Variants in RAD54B observed in about 807,000 individuals in gnomAD.
RAD54B encodes the protein DNA repair and recombination protein RAD54B.
RAD54B carries 78 observed loss-of-function variants against 95.8 expected under a neutral mutation model. The ratio of observed to expected loss-of-function variants is 0.81; its 90% CI spans 0.68 to 0.98. The LOEUF is 0.98. Among genes scored for constraint, RAD54B ranks in the 50% least tolerant of loss-of-function variants. The pLI, the probability that RAD54B is intolerant of heterozygous loss-of-function variation, is 0.00. For missense variants in RAD54B, 957 were observed against 1,056.6 expected (o/e 0.91, Z 1.31); for synonymous variants, 328 against 354.9 (o/e 0.92, Z 0.85).
intron 3 of RAD54B, 25 bp downstream of exon 3, chr8:94,458,243 C>T: frequency 1.3e-6 from 2 of 1,557,818 alleles, no homozygotes; most frequent in Non-Finnish European, 1.7e-6. Flanking sequence ...CAAGCATAAA[C>T]CTTATCAATA....
chr8:94,394,662 C>A (rs1356817620), intron 8 of RAD54B, among the ~76,000 whole-genome samples: 1 of 151,948 alleles, frequency 6.6e-6, no homozygotes, highest in Non-Finnish European at 1.5e-5. Flanking sequence ...TAGCTTTAGG[C>A]TAATTTTCAA....
chr8:94,403,633 C>G (rs899949264), intron 6 of RAD54B, among the ~76,000 whole-genome samples: 75 of 151,660 alleles, frequency 4.9e-4, no homozygotes, highest in African/African-American at 1.7e-3. Flanking sequence ...GCCAAGATAA[C>G]GCCATTGCAC....
intron 5 of RAD54B, 39 bp from the exon 6 acceptor site, chr8:94,404,278 T>C (rs1811332883): frequency 2.0e-6 from 3 of 1,491,706 alleles, no homozygotes; most frequent in Non-Finnish European, 2.7e-6. Context: ...GTAATTTCAC[T>C]TTTTCAGCAA....
rs907321084 is a variant in RAD54B, at chr8:94,414,151, T to C, written c.305-2836A>G. Among the ~76,000 whole-genome samples the C allele has an allele frequency of 3.3e-5, 5 of 152,140 alleles. No homozygotes were observed. The East Asian group carries it at 5.8e-4, about 18-fold the overall frequency. On this transcript the variant is annotated intron_variant, in intron 3 of 14. Coordinates refer to ENST00000336148, the MANE Select transcript of RAD54B (RefSeq NM_012415.3). ...GCACCCAGCCTAAGAATTCTTATAG[T>C]TTAAAAATAAGACAACATTGATTTT...
chr8:94,462,598 CA>C (rs1453095988), intron 2 of RAD54B, among the ~76,000 whole-genome samples: 2 of 152,070 alleles, frequency 1.3e-5, no homozygotes, highest in Non-Finnish European at 2.9e-5. Flanking sequence ...GTCACTAAAG[CA>C]ATACTTTCTC....
At chr8:94,426,623 A>C (rs892218577) in intron 3 of RAD54B, among the ~76,000 whole-genome samples, 5 of 152,256 alleles carry the variant, frequency 3.3e-5, no homozygotes, top group Non-Finnish European at 7.3e-5. Context: ...GTATGATTCC[A>C]ATTACATGAA....
chr8:94,376,782 A>T (rs2129943675), intron 14 of RAD54B, among the ~76,000 whole-genome samples: 1 of 149,258 alleles, frequency 6.7e-6, no homozygotes, highest in African/African-American at 2.4e-5. Flanking sequence ...ATATAATCAT[A>T]TATAATTTAT....
chr8:94,443,749 C>G (rs1021261048), intron 3 of RAD54B, among the ~76,000 whole-genome samples: 4 of 151,800 alleles, frequency 2.6e-5, no homozygotes, highest in African/African-American at 9.7e-5. Context: ...TTCCAGAAAC[C>G]CTCTTTTGGA....
chr8:94,387,135 C>A lies in RAD54B; in HGVS notation c.1834G>T (p.Asp612Tyr). ...TATAGACTCTTTTCTTCATTTTTAT[C>A]ACAAGTTGAGCTACATTCCTTTTCC... is the stretch of plus-strand genomic sequence containing the variant. ...IKEKECSSTC[D>Y]KNEEKSLYKG... Residue 612 changes from aspartate (D) to tyrosine (Y), a missense_variant, in exon 11 of 15, where the codon GAT becomes TAT. Asp to Tyr is a radical substitution (Grantham distance 160, BLOSUM62 -3). Coordinates refer to ENST00000336148, the MANE Select transcript of RAD54B (RefSeq NM_012415.3). 1 of 1,598,820 alleles carries A rather than the reference C, an allele frequency of 6.3e-7. No homozygotes were observed. The highest frequency in any genetic ancestry group is 1.4e-5 in the African/African-American group (1 of 74,052).
chr8:94,453,327 A>G (rs1812709457), intron 3 of RAD54B, among the ~76,000 whole-genome samples: 2 of 152,078 alleles, frequency 1.3e-5, no homozygotes, highest in Non-Finnish European at 2.9e-5. Flanking sequence ...TCAGGAGTTC[A>G]AAACCAGCCT....
intron 3 of RAD54B, among the ~76,000 whole-genome samples, chr8:94,419,369 G>A (rs1478604734): frequency 2.6e-5 from 4 of 152,006 alleles, no homozygotes; most frequent in Admixed American, 2.0e-4. Flanking sequence ...TTAGCCAGGC[G>A]TGGTGGCAGG....
At chr8:94,469,552 GATA>G (rs1813117246) in intron 1 of RAD54B, among the ~76,000 whole-genome samples, 1 of 152,150 alleles carries the variant, frequency 6.6e-6, no homozygotes, top group African/African-American at 2.4e-5. Flanking sequence ...TGTCAATTTT[GATA>G]ATACTATAAG....
intron 3 of RAD54B, among the ~76,000 whole-genome samples, chr8:94,437,390 T>C (rs1812294495): frequency 6.6e-6 from 1 of 152,190 alleles, no homozygotes. Flanking sequence ...CTCATCACTG[T>C]TTCTGAGCTG....
At position 94,380,169 on chromosome 8, in the gene RAD54B, A is replaced by G; in HGVS notation, c.2223T>C (p.Asp741=). Residue 741 remains aspartate (D), a synonymous_variant, in exon 12 of 15, where the codon GAT becomes GAC. Coordinates refer to ENST00000336148, the MANE Select transcript of RAD54B (RefSeq NM_012415.3). ...GGSHLILYDI[D]WNPATDIQAM... ...CCTGAATGTCAGTGGCTGGATTCCA[A>G]TCAATGTCATAGAGAATTAAGTGAG... The G allele has an allele frequency of 1.2e-6, 2 of 1,611,166 alleles. No homozygotes were observed. The highest frequency in any genetic ancestry group is 1.7e-6 in the Non-Finnish European group (2 of 1,178,308).
chr8:94,435,688 C>T (rs576313946), intron 3 of RAD54B, among the ~76,000 whole-genome samples: 2 of 152,048 alleles, frequency 1.3e-5, no homozygotes, highest in South Asian at 4.2e-4. Context: ...ACAAGTTTAA[C>T]CAAAAAATTG....
At chr8:94,431,408 A>G in intron 3 of RAD54B, 1 of 984,648 alleles carries the variant, frequency 1.0e-6, no homozygotes, top group Non-Finnish European at 1.2e-6. Context: ...TCACAACCTA[A>G]CAATCTTTAA....
chr8:94,441,949 A>G (rs1812407465), intron 3 of RAD54B, among the ~76,000 whole-genome samples: 1 of 152,262 alleles, frequency 6.6e-6, no homozygotes, highest in Non-Finnish European at 1.5e-5. Flanking sequence ...TTTGTGAAAC[A>G]AAATGTTTAC....
chr8:94,417,667 AAAGAAG>A (rs140151434), intron 3 of RAD54B, among the ~76,000 whole-genome samples: 2 of 152,000 alleles, frequency 1.3e-5, no homozygotes, highest in African/African-American at 2.4e-5. Context: ...CACCAAAATA[AAAGAAG>A]AAGAAGAAGA....
intron 3 of RAD54B, among the ~76,000 whole-genome samples, chr8:94,456,807 A>G (rs903247505): frequency 3.9e-5 from 6 of 152,186 alleles, no homozygotes; most frequent in African/African-American, 1.2e-4. Flanking sequence ...CTCTCCAACA[A>G]TCCACCATAG....
Sources: allele counts gnomAD v4.1 joint callset (sites outside exome capture counted in the v4.1 genomes callset), GRCh38; gene constraint gnomAD v4.1.1; transcripts MANE v1.5; gene names NCBI Gene and HGNC (gene_info 2026-07-23, HGNC 2026-07-21).